Variants in UBXN4 observed in about 807,000 individuals in gnomAD.
UBXN4 encodes UBX domain-containing protein 4.
A neutral mutation model predicts 66.2 loss-of-function variants in UBXN4; 35 were observed. That is an observed-to-expected ratio of 0.53 (90% CI 0.40 to 0.70). The LOEUF is 0.70. UBXN4 is among the 30% of genes least tolerant of loss of function. UBXN4 has a pLI of 0.00. For missense variants in UBXN4, 533 were observed against 599.8 expected (o/e 0.89, Z 1.16); for synonymous variants, 203 against 204.5 (o/e 0.99, Z 0.06).
At chr2:135,770,802 C>T in intron 8 of UBXN4, 67 bp downstream of exon 8, 1 of 1,321,884 alleles carries the variant, frequency 7.6e-7, no homozygotes, top group East Asian at 2.9e-5. Context: ...AGATTACTAC[C>T]AGACTGTGCA....
intron 3 of UBXN4, chr2:135,753,869 G>A: frequency 2.2e-6 from 1 of 452,370 alleles, no homozygotes; most frequent in African/African-American, 2.0e-5. Flanking sequence ...CAGTTGGGTT[G>A]GAATGTTACA....
chr2:135,781,284 A>C (rs527682048), intron 12 of UBXN4, among the ~76,000 whole-genome samples: 112 of 152,344 alleles, frequency 7.4e-4, no homozygotes, highest in African/African-American at 2.5e-3. Flanking sequence ...ATAGTAATAC[A>C]ACACTGACAA....
intron 8 of UBXN4, 25 bp downstream of exon 8, chr2:135,770,760 C>G (rs148133802): frequency 1.4e-6 from 2 of 1,456,282 alleles, no homozygotes; most frequent in East Asian, 5.0e-5. Flanking sequence ...TCCAGACATT[C>G]GTGAAACTGT....
intron 4 of UBXN4, among the ~76,000 whole-genome samples, chr2:135,754,479 C>T (rs1474163185): frequency 1.3e-5 from 2 of 152,132 alleles, no homozygotes; most frequent in Non-Finnish European, 2.9e-5. Context: ...CCTGCCACCA[C>T]ACTGAGCTGA....
intron 6 of UBXN4, among the ~76,000 whole-genome samples, chr2:135,767,782 G>T (rs1236628962): frequency 6.6e-6 from 1 of 152,174 alleles, no homozygotes; most frequent in African/African-American, 2.4e-5. Flanking sequence ...ATATGAAGAA[G>T]CGGGAATTTC....
rs1302672175 is a variant in UBXN4 at position 135,772,395 on chromosome 2, A to G, written c.823-25A>G. 3.1e-6 allele frequency: 5 copies of G among 1,609,384 alleles called. No individual in the cohort carries two copies. In the South Asian group the frequency reaches 4.4e-5, roughly 14 times the overall value. On this transcript the variant is annotated intron_variant, in intron 8 of 12. Coordinates refer to ENST00000272638, the MANE Select transcript of UBXN4 (RefSeq NM_014607.4). ...ATTAACCATTCTGGCAGTAAAGGTAATTGGTATTTAATGATGTTTTAAAGG... is the reference window on the plus strand; with the variant it reads ...ATTAACCATTCTGGCAGTAAAGGTAGTTGGTATTTAATGATGTTTTAAAGG...
At chr2:135,743,479 A>T (rs2105488570) in intron 1 of UBXN4, among the ~76,000 whole-genome samples, 2 of 152,294 alleles carry the variant, frequency 1.3e-5, no homozygotes, top group Admixed American at 1.3e-4. Flanking sequence ...GAACAGGTTT[A>T]ATTATCCCCA....
intron 3 of UBXN4, 160 bp downstream of exon 3, chr2:135,753,727 T>C (rs1233940253): frequency 1.1e-5 from 7 of 628,344 alleles, no homozygotes; most frequent in South Asian, 6.3e-5. Context: ...AAAAATGTTA[T>C]TATAGGAAAT....
chr2:135,754,768 G>GT (rs2077269670), intron 4 of UBXN4, among the ~76,000 whole-genome samples: 1 of 151,928 alleles, frequency 6.6e-6, no homozygotes, highest in African/African-American at 2.4e-5. Flanking sequence ...CCTAATACTT[G>GT]ACTGACTTCT....
chr2:135,763,671 C>A (rs2105500774), intron 6 of UBXN4, among the ~76,000 whole-genome samples: 1 of 151,446 alleles, frequency 6.6e-6, no homozygotes, highest in Admixed American at 6.6e-5. Flanking sequence ...CAAAAAAATA[C>A]AAAAATTAAT....
At chr2:135,769,088 G>C (rs940230823) in intron 6 of UBXN4, among the ~76,000 whole-genome samples, 1 of 152,062 alleles carries the variant, frequency 6.6e-6, no homozygotes, top group African/African-American at 2.4e-5. Flanking sequence ...CTGCAGCCTC[G>C]ACCTCCCGGC....
rs556638570 is a variant in UBXN4 at position 135,749,864 on chromosome 2, A to T, written c.185+1495A>T. On this transcript the variant is annotated intron_variant, in intron 2 of 12. Coordinates refer to ENST00000272638, the MANE Select transcript of UBXN4 (RefSeq NM_014607.4). ...CTCCTCCAACTCCCCTGCTCCTTGG[A>T]ATTTATATTTTAAAGACACCAGGTC... Among the ~76,000 whole-genome samples the T allele has an allele frequency of 5.3e-4, 80 of 152,226 alleles. 2 individuals are homozygous for T. The South Asian group carries it at 0.016, about 31-fold the overall frequency.
At position 135,761,907 on chromosome 2, in the gene UBXN4, G is replaced by A; in HGVS notation, c.598G>A (p.Glu200Lys). The A allele has an allele frequency of 1.2e-6, 2 of 1,610,712 alleles. No homozygotes were observed. Among genetic ancestry groups the A allele is most frequent in the Non-Finnish European group, 1.7e-6 (2 of 1,179,182 alleles). ...RPAEDLNIRV[E>K]RLTKKLEERR... is the part of the protein sequence containing the mutation. ...TGCAGAGGACCTCAACATCCGAGTG[G>A]AAAGGTTTGCTCTTCTTTTTGCAAA... The change falls in exon 6 of 13, where the codon GAA becomes AAA. Residue 200 changes from glutamate to lysine, a missense_variant. By Grantham distance (56) the Glu-to-Lys change is moderately conservative. Coordinates refer to ENST00000272638, the MANE Select transcript of UBXN4 (RefSeq NM_014607.4).
chr2:135,756,571 C>T (rs568170737), intron 5 of UBXN4, among the ~76,000 whole-genome samples: 1 of 152,274 alleles, frequency 6.6e-6, no homozygotes, highest in East Asian at 1.9e-4. Context: ...ATGGATCATT[C>T]AACTTCTGGA....
intron 3 of UBXN4, chr2:135,753,907 A>G: frequency 2.2e-6 from 1 of 464,828 alleles, no homozygotes; most frequent in Non-Finnish European, 3.8e-6. Context: ...AGCTGGCAGC[A>G]AGATGGATAG....
chr2:135,767,363 A>G (rs2077355224), intron 6 of UBXN4, among the ~76,000 whole-genome samples: 1 of 150,314 alleles, frequency 6.7e-6, no homozygotes, highest in Non-Finnish European at 1.5e-5. Flanking sequence ...CTTGTCTCGG[A>G]AAAAAAAAAT....
chr2:135,745,282 C>A (rs1231539683), intron 1 of UBXN4, among the ~76,000 whole-genome samples: 3 of 152,170 alleles, frequency 2.0e-5, no homozygotes, highest in Non-Finnish European at 2.9e-5. Flanking sequence ...TCCCTACACA[C>A]GTATTCCTTC....
chr2:135,774,489 A>G (rs963021416), intron 9 of UBXN4, among the ~76,000 whole-genome samples: 2 of 152,226 alleles, frequency 1.3e-5, no homozygotes, highest in African/African-American at 4.8e-5. Context: ...AACAAAATTT[A>G]AAAATAGGTA....
chr2:135,758,850 C>T (rs1470411730), intron 5 of UBXN4, among the ~76,000 whole-genome samples: 1 of 152,052 alleles, frequency 6.6e-6, no homozygotes, highest in Non-Finnish European at 1.5e-5. Flanking sequence ...CCTCCACTTC[C>T]CAGGTTCAAG....
Sources: gnomAD v4.1 joint callset for allele counts (sites outside exome capture counted in the v4.1 genomes callset) on GRCh38, gnomAD v4.1.1 for gene constraint, MANE v1.5 for transcripts, NCBI Gene and HGNC (gene_info 2026-07-23, HGNC 2026-07-21) for gene names.